STX19: variants seen among roughly 807,000 people sequenced by gnomAD.
The protein encoded by STX19 is syntaxin-19.
In STX19, 26 loss-of-function variants were observed where a neutral mutation model predicts 24.3. The observed-to-expected ratio is 1.07, with a 90% CI of 0.78 to 1.48. STX19 has a LOEUF of 1.48. Ranked by LOEUF, STX19 falls within the 40% of genes most tolerant of loss-of-function variation. STX19 has a pLI of 0.00. For missense variants in STX19, 367 were observed against 331.9 expected (o/e 1.11, Z -0.82); for synonymous variants, 116 against 106.9 (o/e 1.09, Z -0.52).
intron 1 of STX19, among the ~76,000 whole-genome samples, chr3:94,016,254 A>C (rs772846821): frequency 2.0e-4 from 31 of 152,154 alleles, no homozygotes; most frequent in Non-Finnish European, 3.5e-4. Flanking sequence ...GTTAGGGAGT[A>C]CAGATAGCTC....
intron 1 of STX19, among the ~76,000 whole-genome samples, chr3:94,022,421 C>T (rs567471822): frequency 1.1e-3 from 172 of 152,188 alleles, no homozygotes; most frequent in African/African-American, 3.8e-3. Flanking sequence ...CCACCGCACC[C>T]GGCTGCTTTT....
At chr3:94,025,467 T>G (rs188036197) in intron 1 of STX19, among the ~76,000 whole-genome samples, 8 of 152,328 alleles carry the variant, frequency 5.3e-5, no homozygotes, top group African/African-American at 1.9e-4. Context: ...AATATTTATG[T>G]GAAAGATCCT....
intron 1 of STX19, among the ~76,000 whole-genome samples, chr3:94,015,840 C>T (rs1165638990): frequency 6.6e-6 from 1 of 152,196 alleles, no homozygotes; most frequent in Non-Finnish European, 1.5e-5. Context: ...TAACGTATTA[C>T]TTGGCATAAT....
rs1472955164 is a variant in STX19 at position 94,014,442 on chromosome 3, T to C, written c.828A>G (p.Lys276=). Residue 276 remains lysine (K), a synonymous_variant, in exon 2 of 2, where the codon AAA becomes AAG. Coordinates refer to ENST00000315099, the MANE Select transcript of STX19 (RefSeq NM_001001850.3). Reference sequence around the variant, plus strand: ...AACACAGTACTCTGCAAGGATTTCTTTTTTTGTATTTTACAGCTAGTCCAA... The same window carrying C: ...AACACAGTACTCTGCAAGGATTTCTCTTTTTGTATTTTACAGCTAGTCCAA... ...EKFGLAVKYK[K]RNPCRVLCCW... The C allele has an allele frequency of 6.3e-7, 1 of 1,595,018 alleles. No homozygotes were observed. Among genetic ancestry groups the C allele is most frequent in the Non-Finnish European group, 8.5e-7 (1 of 1,174,488 alleles).
chr3:94,018,374 A>G (rs1179161887), intron 1 of STX19, among the ~76,000 whole-genome samples: 1 of 152,214 alleles, frequency 6.6e-6, no homozygotes, highest in African/African-American at 2.4e-5. Flanking sequence ...ACCCATCAGC[A>G]CTTAACACAA....
chr3:94,017,735 T>C (rs1196438040), intron 1 of STX19, among the ~76,000 whole-genome samples: 1 of 152,200 alleles, frequency 6.6e-6, no homozygotes, highest in Non-Finnish European at 1.5e-5. Flanking sequence ...ATATTTGAGA[T>C]GTGAGACTGA....
At chr3:94,025,403 GTGTT>G (rs1407517453) in intron 1 of STX19, among the ~76,000 whole-genome samples, 15 of 152,138 alleles carry the variant, frequency 9.9e-5, no homozygotes, top group African/African-American at 3.6e-4. Context: ...AGGTTATACT[GTGTT>G]TGTCTTGGTT....
In STX19 at chr3:94,027,496, T is replaced by A. The variant is rs184948222; in HGVS notation, c.-14+871A>T. Among the ~76,000 whole-genome samples, 272 of 152,230 alleles carry A rather than the reference T, an allele frequency of 1.8e-3. 1 individual carries two copies. Among genetic ancestry groups the A allele is most frequent in the Admixed American group, 2.9e-3 (44 of 15,294 alleles). The stretch of plus-strand genomic sequence containing the variant: ...ACTTTTATCTGATTCAAGTAAGCTG[T>A]ACATACATAAAATGATTTTTATATT... On this transcript the variant is annotated intron_variant, in intron 1 of 1. Transcript: ENST00000315099.
At chr3:94,022,787 A>G (rs533936271) in intron 1 of STX19, among the ~76,000 whole-genome samples, 115 of 152,222 alleles carry the variant, frequency 7.6e-4, no homozygotes, top group African/African-American at 2.7e-3. Context: ...TTCACAAAGT[A>G]AATACATCCA....
Position 94,014,420 on chromosome 3 carries a change from A to C in STX19, c.850T>G (p.Cys284Gly). 6.3e-7 allele frequency: 1 copy of C among 1,575,472 alleles called. No homozygotes were observed. The highest frequency in any genetic ancestry group is 8.6e-7 in the Non-Finnish European group (1 of 1,167,230). The part of the protein sequence containing the change: ...YKKRNPCRVL[C>G]CWCCPCCSSK ...CTACAGCATGGACAGCACCAACAACACAGTACTCTGCAAGGATTTCTTTTT... is the reference window on the plus strand; with the variant it reads ...CTACAGCATGGACAGCACCAACAACCCAGTACTCTGCAAGGATTTCTTTTT... Residue 284 changes from cysteine to glycine, a missense_variant, in exon 2 of 2, where the codon TGT becomes GGT. By Grantham distance (159) the Cys-to-Gly change is radical (BLOSUM62 -3). Coordinates refer to ENST00000315099, the MANE Select transcript of STX19 (RefSeq NM_001001850.3).
Position 94,015,188 on chromosome 3 carries a change from T to C in STX19, c.82A>G (p.Thr28Ala), listed in dbSNP as rs1469295628. ...SRDSHVSTTE[T>A]EEQGVFLQQA... is the part of the protein sequence containing the mutation. ...TGTAGAAACACCCCTTGTTCCTCTG[T>C]TTCTGTAGTTGATACATGACTGTCT... is the stretch of plus-strand genomic sequence containing the variant. The change falls in exon 2 of 2, where the codon ACA becomes GCA. Residue 28 changes from threonine (T) to alanine (A), a missense_variant. Physicochemically the swap from Thr to Ala is moderately conservative, Grantham distance 58. Coordinates refer to ENST00000315099, the MANE Select transcript of STX19 (RefSeq NM_001001850.3). 9.3e-6 allele frequency: 15 copies of C among 1,613,408 alleles called. No homozygotes were observed. Among genetic ancestry groups the C allele is most frequent in the Non-Finnish European group, 1.3e-5 (15 of 1,179,816 alleles).
chr3:94,022,470 A>T (rs2076469106), intron 1 of STX19, among the ~76,000 whole-genome samples: 1 of 152,174 alleles, frequency 6.6e-6, no homozygotes, highest in Non-Finnish European at 1.5e-5. Flanking sequence ...TCTATGGAAG[A>T]TGTGGATTTA....
Position 94,014,403 on chromosome 3 carries a change from T to G in STX19, c.867A>C (p.Pro289=). 1 of 1,544,446 alleles carries G rather than the reference T, an allele frequency of 6.5e-7. No individual in the cohort carries two copies. The highest frequency in any genetic ancestry group is 1.3e-5 in the South Asian group (1 of 77,038). ...PCRVLCCWCC[P]CCSSK ...AGCTTCTTTATTTTGAGCTACAGCA[T>G]GGACAGCACCAACAACACAGTACTC... Residue 289 remains proline, a synonymous_variant, in exon 2 of 2, where the codon CCA becomes CCC. Coordinates refer to ENST00000315099, the MANE Select transcript of STX19 (RefSeq NM_001001850.3).
intron 1 of STX19, among the ~76,000 whole-genome samples, chr3:94,022,029 G>T (rs1453099534): frequency 6.6e-6 from 1 of 152,080 alleles, no homozygotes; most frequent in Non-Finnish European, 1.5e-5. Flanking sequence ...CAGTCATAAA[G>T]GCAGTCATTT....
At chr3:94,018,452 C>A (rs2076379085) in intron 1 of STX19, among the ~76,000 whole-genome samples, 1 of 152,016 alleles carries the variant, frequency 6.6e-6, no homozygotes, top group Admixed American at 6.6e-5. Flanking sequence ...TTTGGCTCTT[C>A]CTTTATCACT....
At chr3:94,019,018 G>A (rs919871485) in intron 1 of STX19, among the ~76,000 whole-genome samples, 2 of 152,064 alleles carry the variant, frequency 1.3e-5, no homozygotes, top group East Asian at 1.9e-4. Flanking sequence ...CGCCCTCTTC[G>A]GCCTCCCAAA....
intron 1 of STX19, among the ~76,000 whole-genome samples, chr3:94,027,676 A>G (rs1343169667): frequency 6.6e-6 from 1 of 152,104 alleles, no homozygotes; most frequent in Non-Finnish European, 1.5e-5. Context: ...TATAACTTTG[A>G]AAGTATCTAA....
chr3:94,014,985 T>G lies in STX19; in HGVS notation c.285A>C (p.Thr95=). The G allele has an allele frequency of 1.9e-6, 3 of 1,614,082 alleles. No homozygotes were observed. Among genetic ancestry groups the G allele is most frequent in the Non-Finnish European group, 2.5e-6 (3 of 1,179,966 alleles). Residue 95 remains threonine (T), a synonymous_variant, in exon 2 of 2, where the codon ACA becomes ACC. Transcript: ENST00000315099. ...ATTCTGCCTGAATTTTTATCTCCTT[T>G]GTAATGGTAGACTCTCTCTTAAGTA... ...FSLLKRESTI[T]KEIKIQAEYI...
intron 1 of STX19, among the ~76,000 whole-genome samples, chr3:94,023,505 T>C (rs1297250819): frequency 6.6e-6 from 1 of 152,106 alleles, no homozygotes; most frequent in Non-Finnish European, 1.5e-5. Flanking sequence ...TTTTAAATAA[T>C]TTCTTTAAGA....
Sources: allele counts gnomAD v4.1 joint callset (sites outside exome capture counted in the v4.1 genomes callset), GRCh38; gene constraint gnomAD v4.1.1; transcripts MANE v1.5; gene names NCBI Gene and HGNC (gene_info 2026-07-23, HGNC 2026-07-21).